Variants in KCNMA1 observed in about 807,000 individuals in gnomAD.
KCNMA1 encodes the protein potassium calcium-activated channel subfamily M alpha 1, also known as Calcium-activated potassium channel subunit alpha-1.
KCNMA1 carries 29 observed loss-of-function variants against 140.0 expected under a neutral mutation model. The ratio of observed to expected loss-of-function variants is 0.21; its 90% CI spans 0.15 to 0.28. The LOEUF is 0.28. Ranked by LOEUF, KCNMA1 falls within the 10% of genes least tolerant of loss-of-function variation. The probability of loss-of-function intolerance (pLI) is 1.00; values close to 1 mark genes in which losing one functional copy is unlikely to be tolerated. For missense variants in KCNMA1, 880 were observed against 1,602.2 expected, an observed-to-expected ratio of 0.55 and a Z score of 7.70; for synonymous variants, 612 against 611.9, an observed-to-expected ratio of 1.00 and a Z score of 0.00.
At chr10:76,972,396 C>T (rs1352909683) in intron 19 of KCNMA1, among the ~76,000 whole-genome samples, 1 of 152,156 alleles carries the variant, frequency 6.6e-6, no homozygotes, top group Non-Finnish European at 1.5e-5. Context: ...AAGTCATCCT[C>T]CCTAGCATGC....
chr10:77,222,598 G>C (rs2050040226), intron 3 of KCNMA1, among the ~76,000 whole-genome samples: 2 of 152,218 alleles, frequency 1.3e-5, no homozygotes, highest in African/African-American at 4.8e-5. Flanking sequence ...TAGATCCTTT[G>C]GCTGTTGGGA....
intron 1 of KCNMA1, among the ~76,000 whole-genome samples, chr10:77,627,611 C>T (rs1014500422): frequency 9.2e-5 from 14 of 152,200 alleles, no homozygotes; most frequent in African/African-American, 2.9e-4. Context: ...GGTCATTCTA[C>T]GTCTCAACAC....
At chr10:77,530,553 G>A (rs756094645) in intron 1 of KCNMA1, among the ~76,000 whole-genome samples, 15 of 152,174 alleles carry the variant, frequency 9.9e-5, no homozygotes, top group African/African-American at 3.4e-4. Flanking sequence ...AGCAGACAGC[G>A]TTGCCTGTGA....
At chr10:77,598,705 G>C (rs1160651491) in intron 1 of KCNMA1, among the ~76,000 whole-genome samples, 1 of 152,214 alleles carries the variant, frequency 6.6e-6, no homozygotes, top group Non-Finnish European at 1.5e-5. Context: ...GAGGGACCCA[G>C]GCCACGCCAA....
Position 77,056,462 on chromosome 10 carries a change from C to T in KCNMA1, c.1749+16635G>A, listed in dbSNP as rs146177012. On this transcript the variant is annotated intron_variant, in intron 14 of 27. Transcript: ENST00000286628. ...TTACCTTCCAAAATAAAATTATCAA[C>T]ATTCTTACAAAATTTAAACAAGAAT... Among the ~76,000 whole-genome samples, 924 of 151,942 alleles carry T rather than the reference C, an allele frequency of 6.1e-3. 2 individuals carry two copies. The highest frequency in any genetic ancestry group is 8.7e-3 in the Non-Finnish European group (592 of 67,948).
intron 19 of KCNMA1, among the ~76,000 whole-genome samples, chr10:77,000,839 G>C (rs1233863962): frequency 3.1e-5 from 3 of 95,344 alleles, no homozygotes; most frequent in Non-Finnish European, 6.3e-5. Context: ...ACAGGTTAGA[G>C]AGACATAGTA....
chr10:77,547,307 C>T (rs1334645352), intron 1 of KCNMA1, among the ~76,000 whole-genome samples: 1 of 152,218 alleles, frequency 6.6e-6, no homozygotes, highest in Non-Finnish European at 1.5e-5. Context: ...GCAATCCCGA[C>T]CATGGATTAT....
chr10:77,255,612 A>C (rs775457660), intron 2 of KCNMA1, among the ~76,000 whole-genome samples: 6 of 151,378 alleles, frequency 4.0e-5, no homozygotes, highest in Non-Finnish European at 8.8e-5. Flanking sequence ...AAAAAAGCAA[A>C]ATAAAAAAAT....
chr10:76,967,476 G>A (rs954779152), intron 20 of KCNMA1, among the ~76,000 whole-genome samples: 3 of 152,094 alleles, frequency 2.0e-5, no homozygotes, highest in African/African-American at 7.2e-5. Flanking sequence ...CATTGCCAGT[G>A]CCAGATATTC....
At chr10:77,170,171 A>G (rs2154097985) in intron 5 of KCNMA1, among the ~76,000 whole-genome samples, 1 of 152,336 alleles carries the variant, frequency 6.6e-6, no homozygotes. Context: ...AGCCTGGGCA[A>G]CAATGCAAGA....
chr10:77,214,559 C>T (rs1423287517), intron 3 of KCNMA1, among the ~76,000 whole-genome samples: 2 of 152,338 alleles, frequency 1.3e-5, no homozygotes, highest in East Asian at 1.9e-4. Flanking sequence ...GCTCAACTGT[C>T]CTCCATAGCC....
intron 23 of KCNMA1, chr10:76,939,310 C>T (rs59390762): frequency 0.064 from 9,737 of 152,014 alleles, 516 homozygotes; most frequent in Admixed American, 0.19. Flanking sequence ...TTAGTACAGA[C>T]GGGGTTTCAC....
chr10:77,315,627 G>A (rs1351449098), intron 2 of KCNMA1: 1 of 152,126 alleles, frequency 6.6e-6, no homozygotes, highest in Non-Finnish European at 1.5e-5. Flanking sequence ...TGTCCTGGCT[G>A]GTTTACACCA....
chr10:77,047,466 A>G (rs2153612893), intron 14 of KCNMA1, among the ~76,000 whole-genome samples: 1 of 152,246 alleles, frequency 6.6e-6, no homozygotes, highest in East Asian at 1.9e-4. Context: ...TTCTGGAAAG[A>G]CAGAGTGCCA....
chr10:77,385,507 A>G (rs1292919967), intron 2 of KCNMA1, among the ~76,000 whole-genome samples: 2 of 152,260 alleles, frequency 1.3e-5, no homozygotes, highest in Non-Finnish European at 2.9e-5. Flanking sequence ...TCACACTAGT[A>G]CATGGCAGAA....
At chr10:76,960,929 G>A (rs368837232) in intron 20 of KCNMA1, among the ~76,000 whole-genome samples, 10 of 151,872 alleles carry the variant, frequency 6.6e-5, no homozygotes, top group South Asian at 2.1e-4. Flanking sequence ...CACTGATAAC[G>A]CACCCAATTA....
chr10:77,398,052 A>ATGTG (rs1200761648), intron 2 of KCNMA1, among the ~76,000 whole-genome samples: 21 of 108,896 alleles, frequency 1.9e-4, no homozygotes, highest in South Asian at 1.1e-3. Context: ...GTGTGTATAT[A>ATGTG]TGTGTGTATG....
chr10:77,546,185 G>T (rs1411268536), intron 1 of KCNMA1, among the ~76,000 whole-genome samples: 1 of 152,064 alleles, frequency 6.6e-6, no homozygotes, highest in Non-Finnish European at 1.5e-5. Flanking sequence ...TGTGGGGCTG[G>T]CTGTGATCAC....
intron 1 of KCNMA1, among the ~76,000 whole-genome samples, chr10:77,517,421 G>A (rs548827225): frequency 7.9e-5 from 12 of 152,206 alleles, no homozygotes; most frequent in Non-Finnish European, 1.8e-4. Flanking sequence ...TTTACACCAA[G>A]GCTGAACACA....
Sources: gnomAD v4.1 joint callset for allele counts (sites outside exome capture counted in the v4.1 genomes callset) on GRCh38, gnomAD v4.1.1 for gene constraint, MANE v1.5 for transcripts, NCBI Gene and HGNC (gene_info 2026-07-23, HGNC 2026-07-21) for gene names.